The following PLS3 variants were observed in gnomAD, a reference collection of about 807,000 sequenced individuals.
PLS3 encodes the protein plastin 3.
A neutral mutation model predicts 46.5 loss-of-function variants in PLS3; 11 were observed. The observed-to-expected ratio is 0.24, with a 90% CI of 0.15 to 0.39. PLS3 has a LOEUF of 0.39. Ranked by LOEUF, PLS3 falls within the 10% of genes least tolerant of loss-of-function variation. The pLI, the probability that PLS3 is intolerant of heterozygous loss-of-function variation, is 1.00. For synonymous variants in PLS3, 167 were observed against 162.2 expected (o/e 1.03, Z -0.22); for missense variants, 308 against 461.8 (o/e 0.67, Z 3.05).
intron 1 of PLS3, among the ~76,000 whole-genome samples, chrX:115,569,874 A>G (rs1376845762): frequency 8.9e-6 from 1 of 111,884 alleles, no homozygotes; most frequent in East Asian, 2.8e-4. Context: ...TTTACATGCT[A>G]TGTTGCACAG....
chrX:115,636,871 G>T lies in PLS3; in HGVS notation c.784G>T (p.Glu262Ter). ...AALLRDGETL[E>*]ELMKLSPEEL... ...TTTACTCCGAGATGGTGAGACTTTG[G>T]AGGAACTTATGAAATTGTCTCCAGA... Residue 262 changes from glutamate (E) to a stop codon, truncating the protein, a stop_gained, in exon 8 of 16, where the codon GAG becomes TAG. Transcript: ENST00000355899. LOFTEE classifies it high-confidence loss of function. 8.3e-7 allele frequency: 1 copy of T among 1,206,695 alleles called. No homozygotes were observed. Among genetic ancestry groups the T allele is most frequent in the Non-Finnish European group, 1.1e-6 (1 of 892,363 alleles).
intron 1 of PLS3, among the ~76,000 whole-genome samples, chrX:115,582,421 A>C (rs1556631930): frequency 8.9e-6 from 1 of 112,383 alleles, no homozygotes; most frequent in African/African-American, 3.2e-5. Flanking sequence ...GTTACAATCC[A>C]GTCTGTAGTA....
At chrX:115,629,727 C>T in intron 4 of PLS3, 108 bp from the exon 5 acceptor site, 1 of 493,223 alleles carries the variant, frequency 2.0e-6, no homozygotes, top group Admixed American at 3.7e-5. Context: ...CCACATGTTT[C>T]TGACACATTA....
chrX:115,630,123 T>G (rs1043052744), intron 5 of PLS3, among the ~76,000 whole-genome samples, 156 bp downstream of exon 5: 7 of 111,777 alleles, frequency 6.3e-5, no homozygotes, highest in Non-Finnish European at 1.1e-4. Flanking sequence ...TCTAGGTCTG[T>G]CCATGAATCT....
chrX:115,615,627 C>T, intron 2 of PLS3, among the ~76,000 whole-genome samples: 1 of 108,625 alleles, frequency 9.2e-6, no homozygotes, highest in Non-Finnish European at 1.9e-5. Context: ...CTGGGAGCTG[C>T]GTAGTGATTT....
At chrX:115,577,622 C>T (rs1387437162) in intron 1 of PLS3, among the ~76,000 whole-genome samples, 2 of 110,643 alleles carry the variant, frequency 1.8e-5, no homozygotes, top group Admixed American at 9.8e-5. Context: ...GGATTACAGG[C>T]GTGCACCACC....
rs184010382 is a variant in PLS3 at position 115,590,085 on chromosome X, A to C, written c.-8-20158A>C. Among the ~76,000 whole-genome samples, 10 of 111,029 alleles carry C rather than the reference A, an allele frequency of 9.0e-5. No homozygotes were observed. In the East Asian group the frequency reaches 2.6e-3, roughly 29 times the overall value. ...TGGCCAGGCTTGTCTGGAACTCCTG[A>C]CCTCAGGTGATCCGCCCACCTCAGC... is the stretch of plus-strand genomic sequence containing the variant. On this transcript the variant is annotated intron_variant, in intron 1 of 15. Transcript: ENST00000355899.
intron 1 of PLS3, among the ~76,000 whole-genome samples, chrX:115,591,138 C>CA (rs1286972541): frequency 6.5e-4 from 67 of 103,590 alleles, no homozygotes; most frequent in African/African-American, 1.4e-3. Context: ...GACTCCGTCT[C>CA]AAAAAAAAAA....
intron 1 of PLS3, among the ~76,000 whole-genome samples, chrX:115,590,147 C>T (rs954613640): frequency 9.0e-6 from 1 of 111,681 alleles, no homozygotes; most frequent in Non-Finnish European, 1.9e-5. Flanking sequence ...TGAGCCACCG[C>T]GCCCAGCCCG....
intron 13 of PLS3, 130 bp from the exon 14 acceptor site, chrX:115,647,420 C>T (rs782097367): frequency 9.5e-6 from 6 of 633,620 alleles, no homozygotes; most frequent in African/African-American, 2.3e-5. Flanking sequence ...GGCGACAGAG[C>T]GAGACTCCGT....
At chrX:115,630,689 A>G (rs895634111) in intron 5 of PLS3, among the ~76,000 whole-genome samples, 11 of 95,640 alleles carry the variant, frequency 1.2e-4, no homozygotes, top group Admixed American at 3.8e-4. Context: ...TATATAAAAT[A>G]TATACATATA....
intron 5 of PLS3, among the ~76,000 whole-genome samples, chrX:115,633,040 A>G (rs1254675630): frequency 1.8e-5 from 2 of 109,406 alleles, no homozygotes; most frequent in African/African-American, 6.7e-5. Context: ...ACCTGGCCCA[A>G]GTTTTGTTTT....
intron 5 of PLS3, among the ~76,000 whole-genome samples, chrX:115,632,211 T>C (rs1052062213): frequency 1.8e-5 from 2 of 111,820 alleles, no homozygotes; most frequent in Admixed American, 1.9e-4. Flanking sequence ...GAGATAATCA[T>C]ATTGAACTAA....
chrX:115,638,461 A>C (rs1342683366), intron 8 of PLS3, among the ~76,000 whole-genome samples: 1 of 109,639 alleles, frequency 9.1e-6, no homozygotes, highest in East Asian at 2.9e-4. Context: ...CCCAGGCTGG[A>C]CTCAAGCTCC....
chrX:115,569,264 G>A lies in PLS3; in HGVS notation c.-9+8004G>A, dbSNP rs139425580. Among the ~76,000 whole-genome samples, 1,107 of 110,763 alleles carry A rather than the reference G, an allele frequency of 1.0e-2. 10 individuals carry two copies. Among genetic ancestry groups the A allele is most frequent in the African/African-American group, 0.034 (1,035 of 30,407 alleles). On this transcript the variant is annotated intron_variant, in intron 1 of 15. Coordinates refer to ENST00000355899, the MANE Select transcript of PLS3 (RefSeq NM_005032.7). ...TTTTGAAACGGAACTGTTAATGGGG[G>A]AAGGGAGACACGTTTGTTTTTAAGA...
intron 3 of PLS3, among the ~76,000 whole-genome samples, chrX:115,623,755 G>A (rs1290253290): frequency 9.0e-6 from 1 of 111,153 alleles, no homozygotes; most frequent in African/African-American, 3.3e-5. Flanking sequence ...TTTTCCCCAA[G>A]ACAACTGAAA....
At chrX:115,603,477 G>A (rs2074463592) in intron 1 of PLS3, among the ~76,000 whole-genome samples, 1 of 111,774 alleles carries the variant, frequency 8.9e-6, no homozygotes, top group African/African-American at 3.2e-5. Flanking sequence ...TTGCAGATGA[G>A]CGAATTCAGA....
At chrX:115,569,339 T>C (rs2074198499) in intron 1 of PLS3, among the ~76,000 whole-genome samples, 1 of 111,731 alleles carries the variant, frequency 9.0e-6, no homozygotes, top group South Asian at 3.7e-4. Context: ...TATACAAAGC[T>C]TATTTGTGCC....
intron 3 of PLS3, among the ~76,000 whole-genome samples, chrX:115,626,935 A>G (rs1446664804): frequency 2.8e-5 from 3 of 107,065 alleles, no homozygotes; most frequent in African/African-American, 6.8e-5. Flanking sequence ...TGCAACCTCC[A>G]TCTCCCGGGT....
Sources: gnomAD v4.1 joint callset for allele counts (sites outside exome capture counted in the v4.1 genomes callset) on GRCh38, gnomAD v4.1.1 for gene constraint, MANE v1.5 for transcripts, NCBI Gene and HGNC (gene_info 2026-07-23, HGNC 2026-07-21) for gene names.